The following DLGAP2 variants were observed in gnomAD, a reference collection of about 807,000 sequenced individuals.
DLGAP2 encodes the protein disks large-associated protein 2.
A neutral mutation model predicts 100.3 loss-of-function variants in DLGAP2; 26 were observed. The observed-to-expected ratio is 0.26, with a 90% CI of 0.19 to 0.36. DLGAP2 has a LOEUF of 0.36. Ranked by LOEUF, DLGAP2 falls within the 10% of genes least tolerant of loss-of-function variation. The pLI, the probability that DLGAP2 is intolerant of heterozygous loss-of-function variation, is 1.00. For missense variants in DLGAP2, 1,858 were observed against 1,453.2 expected (o/e 1.28, Z -4.53); for synonymous variants, 886 against 630.1 (o/e 1.41, Z -6.08).
chr8:807,803 G>T (rs1475656121), intron 1 of DLGAP2, among the ~76,000 whole-genome samples: 1 of 152,132 alleles, frequency 6.6e-6, no homozygotes, highest in Non-Finnish European at 1.5e-5. Context: ...TTTTCCCTTT[G>T]AACTTAAAGC....
At chr8:943,860 G>C (rs561125145) in intron 2 of DLGAP2, among the ~76,000 whole-genome samples, 9 of 152,266 alleles carry the variant, frequency 5.9e-5, no homozygotes, top group Non-Finnish European at 1.0e-4. Context: ...GAAGGTATCT[G>C]AACAGTGTGT....
At chr8:1,584,300 C>T (rs773980483) in intron 6 of DLGAP2, among the ~76,000 whole-genome samples, 3 of 152,184 alleles carry the variant, frequency 2.0e-5, no homozygotes, top group Non-Finnish European at 2.9e-5. Flanking sequence ...ATTTAAAAGA[C>T]GTGTGCAAAG....
chr8:1,267,581 AATAAAATAAG>A (rs769157847), intron 3 of DLGAP2, among the ~76,000 whole-genome samples: 8,382 of 64,566 alleles, frequency 0.13, 667 homozygotes, highest in Middle Eastern at 0.27. Context: ...AATAAAATAA[AATAAAATAAG>A]ATAAGATAAG....
intron 12 of DLGAP2, among the ~76,000 whole-genome samples, chr8:1,690,370 A>G (rs1311419263): frequency 6.6e-6 from 1 of 151,596 alleles, no homozygotes; most frequent in African/African-American, 2.4e-5. Context: ...AAATAAATAA[A>G]TAAAACAAAA....
At chr8:1,619,970 A>G (rs1341905489) in intron 6 of DLGAP2, 1 of 152,164 alleles carries the variant, frequency 6.6e-6, no homozygotes, top group Non-Finnish European at 1.5e-5. Flanking sequence ...AAATGATCCC[A>G]GGCCCGCCTC....
intron 3 of DLGAP2, among the ~76,000 whole-genome samples, chr8:1,413,872 C>T (rs1198592984): frequency 6.6e-6 from 1 of 152,174 alleles, no homozygotes; most frequent in Non-Finnish European, 1.5e-5. Flanking sequence ...TGCACAATGT[C>T]AATGGCATAC....
chr8:897,667 C>CCGG (rs940376854), intron 1 of DLGAP2, among the ~76,000 whole-genome samples: 2 of 152,184 alleles, frequency 1.3e-5, no homozygotes, highest in African/African-American at 4.8e-5. Context: ...CTTCCCTGCC[C>CCGG]CGGCAGCCGC....
At chr8:1,042,204 G>A (rs1413983771) in intron 2 of DLGAP2, among the ~76,000 whole-genome samples, 13 of 152,200 alleles carry the variant, frequency 8.5e-5, no homozygotes, top group Admixed American at 8.5e-4. Context: ...GGCTTTCCCA[G>A]GGAGGCTGCT....
At chr8:1,146,715 T>A (rs1796615054) in intron 2 of DLGAP2, among the ~76,000 whole-genome samples, 1 of 152,126 alleles carries the variant, frequency 6.6e-6, no homozygotes, top group Admixed American at 6.5e-5. Flanking sequence ...CTACATTCAT[T>A]CCTTTTCCTA....
At chr8:960,437 G>T (rs1799699980) in intron 2 of DLGAP2, among the ~76,000 whole-genome samples, 1 of 151,560 alleles carries the variant, frequency 6.6e-6, no homozygotes, top group Non-Finnish European at 1.5e-5. Context: ...TCACCACATT[G>T]GCCAGGGTGG....
intron 8 of DLGAP2, among the ~76,000 whole-genome samples, chr8:1,641,905 G>GCCGGTCCTC (rs1563275292): frequency 9.2e-6 from 1 of 108,986 alleles, no homozygotes; most frequent in Admixed American, 9.0e-5. Flanking sequence ...TGTCACCCTC[G>GCCGGTCCTC]ACCCCGCCGG....
intron 1 of DLGAP2, among the ~76,000 whole-genome samples, chr8:885,346 C>G: frequency 6.6e-6 from 1 of 152,122 alleles, no homozygotes; most frequent in Non-Finnish European, 1.5e-5. Context: ...CTTCACATCC[C>G]TTGTTAGCTG....
At chr8:911,047 C>T (rs550704693) in intron 2 of DLGAP2, among the ~76,000 whole-genome samples, 2 of 152,246 alleles carry the variant, frequency 1.3e-5, no homozygotes, top group East Asian at 3.9e-4. Flanking sequence ...TAAGGAGTGA[C>T]TTCTTCACAA....
chr8:1,677,940 C>A (rs991372849), intron 11 of DLGAP2, among the ~76,000 whole-genome samples: 1 of 152,214 alleles, frequency 6.6e-6, no homozygotes, highest in African/African-American at 2.4e-5. Context: ...TCAAGAAACA[C>A]GTTAACTCTC....
chr8:1,587,774 C>T (rs920279381), intron 6 of DLGAP2, among the ~76,000 whole-genome samples: 2 of 152,082 alleles, frequency 1.3e-5, no homozygotes, highest in African/African-American at 4.8e-5. Flanking sequence ...TGGCCATTTT[C>T]TCTTTTCAGG....
intron 6 of DLGAP2, among the ~76,000 whole-genome samples, chr8:1,598,941 C>T (rs7009547): frequency 1 from 151,945 of 152,324 alleles, 75,786 homozygotes; most frequent in Middle Eastern, 1. Context: ...CTTCTCTGGT[C>T]CTTTTAATTG....
At chr8:1,510,379 A>G (rs919276853) in intron 4 of DLGAP2, among the ~76,000 whole-genome samples, 2 of 152,226 alleles carry the variant, frequency 1.3e-5, no homozygotes, top group East Asian at 1.9e-4. Flanking sequence ...GGAACTCTGC[A>G]GTGCGTGACG....
At chr8:1,519,628 C>G (rs971686764) in intron 4 of DLGAP2, among the ~76,000 whole-genome samples, 2 of 152,350 alleles carry the variant, frequency 1.3e-5, no homozygotes, top group African/African-American at 2.4e-5. Context: ...CCCATGGACA[C>G]CACCTCTTGC....
chr8:1,261,772 A>G (rs1452424685), intron 3 of DLGAP2, among the ~76,000 whole-genome samples: 1 of 152,250 alleles, frequency 6.6e-6, no homozygotes, highest in Non-Finnish European at 1.5e-5. Flanking sequence ...TTTTAAAATC[A>G]TTTAAGTAAT....
Sources: allele counts gnomAD v4.1 joint callset (sites outside exome capture counted in the v4.1 genomes callset), GRCh38; gene constraint gnomAD v4.1.1; transcripts MANE v1.5; gene names NCBI Gene and HGNC (gene_info 2026-07-23, HGNC 2026-07-21).